LIG1: variants seen among roughly 807,000 people sequenced by gnomAD.
The protein encoded by LIG1 is DNA ligase 1, also known as ligase I, DNA, ATP-dependent.
Under a neutral mutation model 115.7 loss-of-function variants are expected in LIG1, and 70 were observed. The observed-to-expected ratio is 0.60, with a 90% confidence interval of 0.50 to 0.74. The LOEUF (loss-of-function observed/expected upper bound fraction) is 0.74, where lower values mean the gene tolerates loss of function less well. Among genes scored for constraint, LIG1 ranks in the 30% least tolerant of loss-of-function variants. The probability of loss-of-function intolerance (pLI) is 0.00; values close to 1 mark genes in which losing one functional copy is unlikely to be tolerated. For missense variants in LIG1, 1,115 were observed against 1,225.6 expected, an observed-to-expected ratio of 0.91 and a Z score of 1.35; for synonymous variants, 487 against 495.3, an observed-to-expected ratio of 0.98 and a Z score of 0.22.
At position 48,137,830 on chromosome 19, in the gene LIG1, C is replaced by A; in HGVS notation, c.1088-142G>T. 2 of 1,060,842 alleles carry A rather than the reference C, an allele frequency of 1.9e-6. No individual in the cohort carries two copies. Among genetic ancestry groups the A allele is most frequent in the Non-Finnish European group, 2.8e-6 (2 of 726,978 alleles). 65.7% of individuals were successfully genotyped at this position (1,060,842 alleles called of 1,614,324 possible). On this transcript the variant is annotated intron_variant, in intron 12 of 27. Transcript: ENST00000263274. The surrounding 1 kb of genome is among the most constrained non-coding windows in gnomAD (Gnocchi z 4.3). ...CACCTCCCTGTGTCTAACGCTCACC[C>A]ACTTGGTAGAAATGGCTTGGGGAAC...
chr19:48,115,809 C>T, intron 27 of LIG1, 64 bp downstream of exon 27: 3 of 1,580,774 alleles, frequency 1.9e-6, no homozygotes, highest in Non-Finnish European at 1.7e-6. Flanking sequence ...AGAGAGGCCA[C>T]CACGCTAAAA....
intron 11 of LIG1, among the ~76,000 whole-genome samples, chr19:48,141,324 G>C (rs1456794243): frequency 1.3e-5 from 2 of 152,128 alleles, no homozygotes; most frequent in African/African-American, 2.4e-5. Context: ...TAGAGACGGG[G>C]TTTCAACGTG....
chr19:48,135,891 G>GCGGGCCCCCCCCC, intron 15 of LIG1, 112 bp from the exon 16 acceptor site: 1 of 928,752 alleles, frequency 1.1e-6, no homozygotes, highest in Middle Eastern at 3.2e-4. Flanking sequence ...GGCCCAAGAC[G>GCGGGCCCCCCCCC]CCCCCTCCCC....
intron 2 of LIG1, 24 bp downstream of exon 2, chr19:48,165,526 T>A: frequency 6.4e-7 from 1 of 1,569,766 alleles, no homozygotes; most frequent in East Asian, 2.2e-5. Flanking sequence ...AAGGAAAGAC[T>A]CAGGGGCAAG....
At position 48,143,908 on chromosome 19, in the gene LIG1, C is replaced by A; in HGVS notation, c.832G>T (p.Asp278Tyr). ...TTCTGGCCCGGTTTCCAGCAGGCAT[C>A]TTCCACGGGATGATAGTTGTTCTTG... Reference protein sequence around the residue: ...PAKNNYHPVEDACWKPGQKVP... With the variant: ...PAKNNYHPVEYACWKPGQKVP... Residue 278 changes from aspartate to tyrosine, a missense_variant, in exon 10 of 28, where the codon GAT becomes TAT. Coordinates refer to ENST00000263274, the MANE Select transcript of LIG1 (RefSeq NM_000234.3). The A allele has an allele frequency of 6.2e-7, 1 of 1,614,104 alleles. No homozygotes were observed. Among genetic ancestry groups the A allele is most frequent in the Non-Finnish European group, 8.5e-7 (1 of 1,179,994 alleles).
intron 19 of LIG1, among the ~76,000 whole-genome samples, chr19:48,130,288 C>CT (rs1215168902): frequency 6.6e-6 from 1 of 152,252 alleles, no homozygotes; most frequent in Non-Finnish European, 1.5e-5. Flanking sequence ...GTCACTGTCT[C>CT]TAACAGGCAG....
chr19:48,162,708 A>T (rs1971775), intron 2 of LIG1, among the ~76,000 whole-genome samples: 1 of 151,792 alleles, frequency 6.6e-6, no homozygotes, highest in Non-Finnish European at 1.5e-5. Flanking sequence ...GATTACAGGC[A>T]TAAGCCACCG....
chr19:48,139,129 C>T (rs958778450), intron 12 of LIG1, among the ~76,000 whole-genome samples: 4 of 152,206 alleles, frequency 2.6e-5, no homozygotes, highest in South Asian at 2.1e-4. Context: ...CTGACCAGCC[C>T]GAACCCTGGG....
At chr19:48,127,695 G>A (rs2033761165) in intron 20 of LIG1, 5 of 643,690 alleles carry the variant, frequency 7.8e-6, no homozygotes, top group South Asian at 1.8e-5. Flanking sequence ...AAACAACAGA[G>A]ATGCCCGAAA....
rs185613781 is a variant in LIG1, at chr19:48,125,932, G to T, written c.2004+1345C>A. 3.6e-3 allele frequency among the ~76,000 whole-genome samples: 528 copies of T among 147,794 alleles called. 2 individuals carry two copies. Among genetic ancestry groups the T allele is most frequent in the African/African-American group, 0.013 (507 of 40,080 alleles). On this transcript the variant is annotated intron_variant, in intron 21 of 27. Coordinates refer to ENST00000263274, the MANE Select transcript of LIG1 (RefSeq NM_000234.3). ...GACCCCAGGAGGCGGAGGTTGCAGT[G>T]AGCTGAGATCATGCCACTGCACTCC...
In LIG1 at chr19:48,161,460, G is replaced by A. The variant is rs4987181; in HGVS notation, c.155C>T (p.Pro52Leu). ...WNGVVSESDS[P>L]VKRPGRKAAR... is the part of the protein sequence containing the mutation. ...CGCCTTCCTCCCTGGCCTCTTCACCGGAGAGTCACTCTCGGACACCACTCC... is the reference window on the plus strand; with the variant it reads ...CGCCTTCCTCCCTGGCCTCTTCACCAGAGAGTCACTCTCGGACACCACTCC... Residue 52 changes from proline to leucine, a missense_variant, in exon 4 of 28, where the codon CCG becomes CTG. Pro to Leu is a moderately conservative substitution (Grantham distance 98). Coordinates refer to ENST00000263274, the MANE Select transcript of LIG1 (RefSeq NM_000234.3). 65 of 1,614,118 alleles carry A rather than the reference G, an allele frequency of 4.0e-5. No individual in the cohort carries two copies. The East Asian group carries it at 1.0e-3, about 25-fold the overall frequency.
At chr19:48,156,966 A>C in intron 5 of LIG1, 48 bp downstream of exon 5, 1 of 1,406,552 alleles carries the variant, frequency 7.1e-7, no homozygotes. Context: ...AAAAAAAGAG[A>C]AAAAGAAAGG....
In LIG1 at chr19:48,150,137, C is replaced by T; in HGVS notation, c.648G>A (p.Glu216=). The change falls in exon 8 of 28, where the codon GAG becomes GAA. Residue 216 remains glutamate, a synonymous_variant. Coordinates refer to ENST00000263274, the MANE Select transcript of LIG1 (RefSeq NM_000234.3). ...ATKQELQEEE[E]QTKPPRRAPK... is the part of the protein sequence containing the mutation. ...GAGCTCTGCGGGGAGGCTTGGTCTG[C>T]TCTTCCTCCTCCTGCAGTTCCTGCT... 1.9e-6 allele frequency: 3 copies of T among 1,614,122 alleles called. No homozygotes were observed. The highest frequency in any genetic ancestry group is 3.3e-5 in the Admixed American group (2 of 60,014).
At position 48,118,189 on chromosome 19, in the gene LIG1, GGA is replaced by G. The variant is rs1056744178; in HGVS notation, c.2440-410_2440-409del. ...CAGAGATGTAGAGAGAGAGGGCAATGGAGAGAGAGAACCAAAGAGTGGGACAG... is the reference window on the plus strand; with the variant it reads ...CAGAGATGTAGAGAGAGAGGGCAATGGAGAGAGAACCAAAGAGTGGGACAG... On this transcript the variant is annotated intron_variant, in intron 25 of 27. Transcript: ENST00000263274. Among the ~76,000 whole-genome samples, 5 of 152,224 alleles carry G rather than the reference GGA, an allele frequency of 3.3e-5. No individual in the cohort carries two copies. In the East Asian group the frequency reaches 9.7e-4, roughly 29 times the overall value.
At chr19:48,154,472 TC>T (rs1300399616) in intron 5 of LIG1, 1 of 203,742 alleles carries the variant, frequency 4.9e-6, no homozygotes, top group African/African-American at 2.3e-5. Context: ...TTTACACCGT[TC>T]CCCAGAGAAT....
chr19:48,157,316 T>G (rs2035914207), intron 4 of LIG1, among the ~76,000 whole-genome samples, 176 bp from the exon 5 acceptor site: 1 of 152,130 alleles, frequency 6.6e-6, no homozygotes, highest in Non-Finnish European at 1.5e-5. Context: ...CGCCCTCCAG[T>G]GCAGGATCAT....
intron 4 of LIG1, among the ~76,000 whole-genome samples, chr19:48,158,361 A>C (rs1005179396): frequency 1.7e-5 from 2 of 117,962 alleles, no homozygotes; most frequent in Non-Finnish European, 3.8e-5. Context: ...GACAGCACAG[A>C]GGAAGCCTGG....
chr19:48,161,185 C>G, intron 4 of LIG1, 187 bp downstream of exon 4: 1 of 756,620 alleles, frequency 1.3e-6, no homozygotes, highest in South Asian at 1.6e-5. Context: ...TGAAGGAGCC[C>G]ACCCGAGGTC....
intron 21 of LIG1, among the ~76,000 whole-genome samples, chr19:48,124,048 C>T (rs1284508869): frequency 6.6e-6 from 1 of 152,176 alleles, no homozygotes; most frequent in African/African-American, 2.4e-5. Flanking sequence ...CACATGTCAA[C>T]ACTGACTAAT....
Sources: gnomAD v4.1 joint callset for allele counts (sites outside exome capture counted in the v4.1 genomes callset) on GRCh38, gnomAD v4.1.1 for gene constraint, Gnocchi (gnomAD v3.1) non-coding constraint, MANE v1.5 for transcripts, NCBI Gene and HGNC (gene_info 2026-07-23, HGNC 2026-07-21) for gene names.